Variants in SLC4A4 observed in about 807,000 individuals in gnomAD.
SLC4A4 encodes the protein electrogenic sodium bicarbonate cotransporter 1.
SLC4A4 carries 27 observed loss-of-function variants against 111.5 expected under a neutral mutation model. That is an observed-to-expected ratio of 0.24 (90% confidence interval 0.18 to 0.33). SLC4A4 has a LOEUF of 0.33. Ranked by LOEUF, SLC4A4 falls within the 10% of genes least tolerant of loss-of-function variation. The pLI is 1.00. For synonymous variants in SLC4A4, 443 were observed against 463.4 expected (o/e 0.96, Z 0.57); for missense variants, 909 against 1,315.5 (o/e 0.69, Z 4.78).
rs569171017 is a variant in SLC4A4, at chr4:71,290,200, C to A, written c.253+34801C>A. On this transcript the variant is annotated intron_variant, in intron 3 of 25. Transcript: ENST00000264485. ...GTTTGAGAGCTCAAGTCTTGGCCAT[C>A]GACTTTGGAGGCATTTGTGCAAGGT... is the stretch of plus-strand genomic sequence containing the variant. Among the ~76,000 whole-genome samples the A allele has an allele frequency of 5.3e-5, 8 of 152,176 alleles. No homozygotes were observed. The South Asian group carries it at 1.7e-3, about 32-fold the overall frequency.
chr4:71,452,842 C>A (rs185068612), intron 11 of SLC4A4, among the ~76,000 whole-genome samples: 1 of 152,266 alleles, frequency 6.6e-6, no homozygotes, highest in East Asian at 1.9e-4. Flanking sequence ...GCCACTCTAT[C>A]TAAAATTTCA....
chr4:71,149,780 G>C (rs1401360479), intron 2 of SLC4A4, among the ~76,000 whole-genome samples: 1 of 152,044 alleles, frequency 6.6e-6, no homozygotes, highest in African/African-American at 2.4e-5. Context: ...TTTACTAATG[G>C]CTTTTCTGTT....
chr4:71,387,546 G>A (rs899690005), intron 6 of SLC4A4, among the ~76,000 whole-genome samples: 1 of 152,098 alleles, frequency 6.6e-6, no homozygotes, highest in African/African-American at 2.4e-5. Flanking sequence ...CCAGGCTGGA[G>A]TGCAATGGTG....
intron 2 of SLC4A4, among the ~76,000 whole-genome samples, chr4:71,139,179 T>TTGTG (rs57359640): frequency 0.058 from 8,313 of 144,408 alleles, 297 homozygotes; most frequent in East Asian, 0.14. Flanking sequence ...TCCCTTTTCT[T>TTGTG]TGTGTGTGTG....
chr4:71,431,602 T>A (rs1053740538), intron 7 of SLC4A4, among the ~76,000 whole-genome samples: 2 of 152,136 alleles, frequency 1.3e-5, no homozygotes, highest in Non-Finnish European at 2.9e-5. Context: ...TGCTACAGAG[T>A]CCATTCCTTC....
chr4:71,439,877 A>G (rs968281499), intron 7 of SLC4A4, among the ~76,000 whole-genome samples: 15 of 151,596 alleles, frequency 9.9e-5, no homozygotes, highest in African/African-American at 3.1e-4. Flanking sequence ...ATTGTAGCCT[A>G]TTGGGTCCTA....
chr4:71,484,934 G>T (rs1729234395), intron 14 of SLC4A4, among the ~76,000 whole-genome samples: 2 of 150,304 alleles, frequency 1.3e-5, no homozygotes, highest in Admixed American at 6.6e-5. Flanking sequence ...ATGGGAGTTT[G>T]TTCCTGATTG....
At chr4:71,247,547 G>A (rs1364381021) in intron 2 of SLC4A4, among the ~76,000 whole-genome samples, 2 of 152,044 alleles carry the variant, frequency 1.3e-5, no homozygotes, top group African/African-American at 4.8e-5. Flanking sequence ...GAGTGTGAAC[G>A]TGTGCATTTA....
At chr4:71,062,939 A>G (rs1741427115) in intron 1 of SLC4A4, among the ~76,000 whole-genome samples, 1 of 152,336 alleles carries the variant, frequency 6.6e-6, no homozygotes, top group South Asian at 2.1e-4. Context: ...TAAAAGAAAT[A>G]CTAATCTAGA....
chr4:71,299,896 G>A (rs1413572026), intron 3 of SLC4A4, among the ~76,000 whole-genome samples: 1 of 152,206 alleles, frequency 6.6e-6, no homozygotes, highest in African/African-American at 2.4e-5. Context: ...GGGAAGGAAA[G>A]CCACTTGTTG....
chr4:71,439,470 A>AAAAG (rs1724502798), intron 7 of SLC4A4, among the ~76,000 whole-genome samples: 1 of 136,532 alleles, frequency 7.3e-6, no homozygotes, highest in Non-Finnish European at 1.6e-5. Flanking sequence ...AAAAAAAAAA[A>AAAAG]AGAAAAGAAA....
chr4:71,238,916 T>C (rs1267314765), intron 2 of SLC4A4, among the ~76,000 whole-genome samples: 1 of 152,078 alleles, frequency 6.6e-6, no homozygotes, highest in African/African-American at 2.4e-5. Context: ...GTTCCAGTGA[T>C]TGAGAATGAA....
chr4:71,531,912 T>C (rs1733966759), intron 16 of SLC4A4, 150 bp from the exon 17 acceptor site: 1 of 650,482 alleles, frequency 1.5e-6, no homozygotes, highest in Admixed American at 2.5e-5. Flanking sequence ...TTAAAAATAA[T>C]TTTTCTGCAC....
intron 2 of SLC4A4, among the ~76,000 whole-genome samples, chr4:71,142,849 A>T (rs951872992): frequency 7.0e-6 from 1 of 143,124 alleles, no homozygotes; most frequent in South Asian, 2.2e-4. Context: ...TGACAATTCT[A>T]GGCATGCGCA....
intron 20 of SLC4A4, among the ~76,000 whole-genome samples, chr4:71,550,587 A>T (rs1424268941): frequency 6.6e-6 from 1 of 151,864 alleles, no homozygotes; most frequent in African/African-American, 2.4e-5. Flanking sequence ...GAACCAGAGG[A>T]CAACTTAAGA....
intron 3 of SLC4A4, among the ~76,000 whole-genome samples, chr4:71,315,672 A>G (rs1381635258): frequency 1.3e-5 from 2 of 152,192 alleles, no homozygotes; most frequent in Non-Finnish European, 2.9e-5. Flanking sequence ...ACCTAGAACT[A>G]TTAATTTTAA....
At chr4:71,280,987 T>A (rs1009670389) in intron 3 of SLC4A4, among the ~76,000 whole-genome samples, 2 of 152,144 alleles carry the variant, frequency 1.3e-5, no homozygotes, top group Admixed American at 1.3e-4. Flanking sequence ...CAGGAAGTGG[T>A]CACTGCAAAG....
chr4:71,477,476 G>A (rs1728474662), intron 14 of SLC4A4, among the ~76,000 whole-genome samples: 1 of 151,674 alleles, frequency 6.6e-6, no homozygotes, highest in Admixed American at 6.6e-5. Context: ...CAACCAGTGT[G>A]CTGTTATAGA....
At chr4:71,202,572 G>A (rs1035622203) in intron 1 of SLC4A4, among the ~76,000 whole-genome samples, 1 of 152,116 alleles carries the variant, frequency 6.6e-6, no homozygotes, top group South Asian at 2.1e-4. Flanking sequence ...TCCATTATTT[G>A]TATACCCTAA....
Sources: allele counts gnomAD v4.1 joint callset (sites outside exome capture counted in the v4.1 genomes callset), GRCh38; gene constraint gnomAD v4.1.1; transcripts MANE v1.5; gene names NCBI Gene and HGNC (gene_info 2026-07-23, HGNC 2026-07-21).